Variants in FLT1 observed in about 807,000 individuals in gnomAD.
FLT1 encodes the protein vascular endothelial growth factor receptor 1.
In FLT1, 49 loss-of-function variants were observed where a neutral mutation model predicts 156.3. The ratio of observed to expected loss-of-function variants is 0.31; its 90% confidence interval spans 0.25 to 0.40. The LOEUF is 0.40. Ranked by LOEUF, FLT1 falls within the 10% of genes least tolerant of loss-of-function variation. FLT1 has a pLI of 1.00. For synonymous variants in FLT1, 594 were observed against 583.8 expected, an observed-to-expected ratio of 1.02 and a Z score of -0.25; for missense variants, 1,322 against 1,637.2, an observed-to-expected ratio of 0.81 and a Z score of 3.32.
intron 13 of FLT1, chr13:28,388,262 ATTG>A (rs1874486514): frequency 9.5e-7 from 1 of 1,056,872 alleles, no homozygotes; most frequent in South Asian, 4.6e-5. Context: ...GGGAAATGCT[ATTG>A]TTTACTCTTT....
At chr13:28,431,084 C>T (rs1877650952) in intron 7 of FLT1, 52 bp downstream of exon 7, 3 of 1,458,704 alleles carry the variant, frequency 2.1e-6, no homozygotes, top group Admixed American at 1.7e-5. Context: ...ACACAGACAT[C>T]TACAATGATT....
rs1053348654 is a variant in FLT1, at chr13:28,321,648, C to T, written c.3052-63G>A. 6 of 1,520,344 alleles carry T rather than the reference C, an allele frequency of 3.9e-6. No homozygotes were observed. The African/African-American group carries it at 6.8e-5, about 17-fold the overall frequency. The allele number at this position is 1,520,344 out of a possible 1,614,324, so 94.2% of individuals were successfully genotyped here. A position where few individuals can be genotyped will look rare whatever the true frequency, so the allele number is the denominator to read the frequency against. ...AACCTAACCAACTAATTTCCTACAC[C>T]TGTCAGTGTCATTATCTTAATTTGG... On this transcript the variant is annotated intron_variant, in intron 22 of 29. Coordinates refer to ENST00000282397, the MANE Select transcript of FLT1 (RefSeq NM_002019.4).
At chr13:28,474,226 C>T (rs560398382) in intron 1 of FLT1, among the ~76,000 whole-genome samples, 18 of 152,106 alleles carry the variant, frequency 1.2e-4, no homozygotes, top group Non-Finnish European at 1.9e-4. Context: ...GAGGCTGAGG[C>T]AGCTGTATCA....
At chr13:28,316,132 A>C (rs1871192228) in intron 25 of FLT1, among the ~76,000 whole-genome samples, 2 of 152,150 alleles carry the variant, frequency 1.3e-5, no homozygotes, top group South Asian at 4.2e-4. Flanking sequence ...CAGTGACAAG[A>C]ACAGGTCCCC....
chr13:28,438,468 C>T, intron 3 of FLT1, 123 bp from the exon 4 acceptor site: 6 of 747,986 alleles, frequency 8.0e-6, no homozygotes, highest in Non-Finnish European at 1.4e-5. Context: ...TTAATGTAAT[C>T]CATACATTCA....
chr13:28,389,017 G>C, intron 13 of FLT1: 1 of 1,064,876 alleles, frequency 9.4e-7, no homozygotes, highest in Non-Finnish European at 1.1e-6. Context: ...AGGAGGGAGG[G>C]GACGTTGATT....
chr13:28,472,156 C>T (rs17086729), intron 1 of FLT1, among the ~76,000 whole-genome samples: 3,762 of 152,310 alleles, frequency 0.025, 152 homozygotes, highest in African/African-American at 0.085. Flanking sequence ...TTCGCACATG[C>T]TAGACCTCAC....
chr13:28,494,762 C>A lies in FLT1; in HGVS notation c.64+18G>T. ...CATCGCAGCCCGCCTCAGGCCCCGGCCCCCAGCCGCGCCTCACCTGTGAGA... is the reference window on the plus strand; with the variant it reads ...CATCGCAGCCCGCCTCAGGCCCCGGACCCCAGCCGCGCCTCACCTGTGAGA... On this transcript the variant is annotated intron_variant, in intron 1 of 29. Coordinates refer to ENST00000282397, the MANE Select transcript of FLT1 (RefSeq NM_002019.4). 1 of 1,545,372 alleles carries A rather than the reference C, an allele frequency of 6.5e-7. No homozygotes were observed. The highest frequency in any genetic ancestry group is 8.7e-7 in the Non-Finnish European group (1 of 1,149,964).
Position 28,494,771 on chromosome 13 carries a change from G to T in FLT1, c.64+9C>A. 6.4e-7 allele frequency: 1 copy of T among 1,553,652 alleles called. No individual in the cohort carries two copies. The highest frequency in any genetic ancestry group is 8.7e-7 in the Non-Finnish European group (1 of 1,154,640). On this transcript the variant is annotated intron_variant, in intron 1 of 29. Coordinates refer to ENST00000282397, the MANE Select transcript of FLT1 (RefSeq NM_002019.4). The stretch of plus-strand genomic sequence containing the variant: ...CCGCCTCAGGCCCCGGCCCCCAGCC[G>T]CGCCTCACCTGTGAGAAGCAGACAG...
intron 10 of FLT1, among the ~76,000 whole-genome samples, chr13:28,412,309 C>CTT (rs1236572736): frequency 2.9e-5 from 1 of 34,372 alleles, no homozygotes; most frequent in Admixed American, 4.0e-4. Context: ...TTCTCTTTCT[C>CTT]TTTCTTTCTT....
At chr13:28,474,370 C>T (rs1358397698) in intron 1 of FLT1, among the ~76,000 whole-genome samples, 2 of 152,030 alleles carry the variant, frequency 1.3e-5, no homozygotes, top group East Asian at 3.9e-4. Flanking sequence ...GCATGAGAAT[C>T]ACTTGAACCT....
intron 18 of FLT1, among the ~76,000 whole-genome samples, chr13:28,332,743 A>C (rs1871978990): frequency 6.6e-6 from 1 of 152,200 alleles, no homozygotes; most frequent in Non-Finnish European, 1.5e-5. Flanking sequence ...CAAACTGAGG[A>C]TAATAATGTC....
At chr13:28,389,741 GTGC>G in intron 13 of FLT1, 52 bp downstream of exon 13, 1 of 1,613,664 alleles carries the variant, frequency 6.2e-7, no homozygotes, top group East Asian at 2.2e-5. Flanking sequence ...ATCATTCCTT[GTGC>G]TTTTAAATTT....
chr13:28,412,668 G>A (rs1186364672), intron 10 of FLT1, among the ~76,000 whole-genome samples: 2 of 149,466 alleles, frequency 1.3e-5, no homozygotes, highest in East Asian at 2.0e-4. Context: ...TGATCCACCC[G>A]CCTTGGCCTC....
chr13:28,342,792 T>C (rs974310652), intron 16 of FLT1, among the ~76,000 whole-genome samples: 2 of 152,196 alleles, frequency 1.3e-5, no homozygotes, highest in African/African-American at 4.8e-5. Context: ...ACATACTACA[T>C]AAAGAGCTTC....
intron 13 of FLT1, chr13:28,389,546 A>G: frequency 7.0e-7 from 1 of 1,431,690 alleles, no homozygotes; most frequent in Non-Finnish European, 9.1e-7. Flanking sequence ...CTCGGCCTGA[A>G]TGGGGGGCCC....
intron 14 of FLT1, among the ~76,000 whole-genome samples, chr13:28,366,472 AT>A (rs11330965): frequency 0.11 from 15,829 of 142,292 alleles, 880 homozygotes; most frequent in South Asian, 0.18. Flanking sequence ...TCTGGAAAGC[AT>A]TTTTTTTTTT....
intron 1 of FLT1, among the ~76,000 whole-genome samples, chr13:28,479,164 C>T (rs1416061664): frequency 6.6e-6 from 1 of 152,166 alleles, no homozygotes; most frequent in Non-Finnish European, 1.5e-5. Flanking sequence ...TATACAAACC[C>T]TCTGACCTTT....
chr13:28,427,398 A>T (rs1174621954), intron 9 of FLT1, 80 bp from the exon 10 acceptor site: 1 of 1,265,556 alleles, frequency 7.9e-7, no homozygotes, highest in Admixed American at 1.7e-5. Flanking sequence ...GAAGGACCAC[A>T]TTCTCACTGG....
Sources: allele counts gnomAD v4.1 joint callset (sites outside exome capture counted in the v4.1 genomes callset), GRCh38; gene constraint gnomAD v4.1.1; transcripts MANE v1.5; gene names NCBI Gene and HGNC (gene_info 2026-07-23, HGNC 2026-07-21).